The following ODAD3 variants were observed in gnomAD, a reference collection of about 807,000 sequenced individuals.
ODAD3 encodes the protein outer dynein arm docking complex subunit 3.
In ODAD3, 57 loss-of-function variants were observed where a neutral mutation model predicts 70.9. The observed-to-expected ratio is 0.80, with a 90% CI of 0.65 to 1.00. The LOEUF (loss-of-function observed/expected upper bound fraction) is 1.00, where lower values mean the gene tolerates loss of function less well. ODAD3 is among the 50% of genes least tolerant of loss of function. ODAD3 has a pLI of 0.00. For missense variants in ODAD3, 797 were observed against 763.9 expected (o/e 1.04, Z -0.51); for synonymous variants, 327 against 315.9 (o/e 1.04, Z -0.37).
At chr19:11,425,037 A>G (rs1292484677) in intron 7 of ODAD3, among the ~76,000 whole-genome samples, 1 of 128,144 alleles carries the variant, frequency 7.8e-6, no homozygotes, top group East Asian at 2.4e-4. Flanking sequence ...GTGCATATAT[A>G]CATATGTGTA....
In ODAD3 at chr19:11,420,730, G is replaced by T; in HGVS notation, c.*105C>A. 1 of 979,444 alleles carries T rather than the reference G, an allele frequency of 1.0e-6. No individual in the cohort carries two copies. The highest frequency in any genetic ancestry group is 1.6e-6 in the Non-Finnish European group (1 of 639,860). The allele number at this position is 979,444 out of a possible 1,614,324, so 60.7% of individuals were successfully genotyped here. On this transcript the variant is annotated 3_prime_UTR_variant, in exon 13 of 13. Transcript: ENST00000356392. ...GGCGCCGCTGGCCGCCTCCGTTCCC[G>T]GTCCGGGCCGCGTTCAGCCCCTGAA... is the stretch of plus-strand genomic sequence containing the variant.
At chr19:11,426,110 GGAGT>G in intron 7 of ODAD3, 30 bp downstream of exon 7, 1 of 1,594,810 alleles carries the variant, frequency 6.3e-7, no homozygotes, top group Non-Finnish European at 8.5e-7. Context: ...GGGCTGGGCT[GGAGT>G]CACAGGCGCG....
At chr19:11,430,560 G>C in intron 3 of ODAD3, 139 bp downstream of exon 3, 1 of 808,760 alleles carries the variant, frequency 1.2e-6, no homozygotes, top group Non-Finnish European at 2.1e-6. Flanking sequence ...CAAGGAAAGT[G>C]AGTAATAAAG....
chr19:11,425,607 G>GCATATACGCATATACGCATATA (rs1969344443), intron 7 of ODAD3, among the ~76,000 whole-genome samples: 1 of 128,916 alleles, frequency 7.8e-6, no homozygotes, highest in African/African-American at 4.3e-5. Flanking sequence ...ATATATGTGT[G>GCATATACGCATATACGCATATA]TGTATATATG....
intron 3 of ODAD3, among the ~76,000 whole-genome samples, chr19:11,429,546 A>C (rs1465769902): frequency 6.6e-6 from 1 of 151,846 alleles, no homozygotes; most frequent in Non-Finnish European, 1.5e-5. Flanking sequence ...AGTAGCTGGG[A>C]TTACAGGTGC....
rs1223972705 is a variant in ODAD3, at chr19:11,422,783, A to T, written c.1195T>A (p.Leu399Met). 1 of 1,611,082 alleles carries T rather than the reference A, an allele frequency of 6.2e-7. No individual in the cohort carries two copies. Among genetic ancestry groups the T allele is most frequent in the East Asian group, 2.2e-5 (1 of 44,880 alleles). The stretch of plus-strand genomic sequence containing the variant: ...TGCTTCTCCTGCTTCAGCCTCACCA[A>T]CGTCTGCTCGTTCTCGCTCTTGAGC... ...ETLKSENEQT[L>M]VRLKQEKQQL... is the part of the protein sequence containing the mutation. Residue 399 changes from leucine to methionine, a missense_variant, in exon 9 of 13, where the codon TTG becomes ATG. Coordinates refer to ENST00000356392, the MANE Select transcript of ODAD3 (RefSeq NM_145045.5). The surrounding 1 kb of genome is among the most constrained non-coding windows in gnomAD (Gnocchi z 4.6).
chr19:11,423,180 G>A (rs1416097654), intron 8 of ODAD3, among the ~76,000 whole-genome samples: 1 of 152,202 alleles, frequency 6.6e-6, no homozygotes, highest in African/African-American at 2.4e-5. Flanking sequence ...CGTGAATCTC[G>A]CCCGATTCCG....
intron 7 of ODAD3, among the ~76,000 whole-genome samples, chr19:11,425,189 A>ATACATATGTGTATGTG (rs1237177233): frequency 1.8e-5 from 2 of 110,936 alleles, no homozygotes; most frequent in Non-Finnish European, 1.7e-5. Flanking sequence ...ATGTGTATAT[A>ATACATATGTGTATGTG]TACATATGTG....
intron 1 of ODAD3, among the ~76,000 whole-genome samples, chr19:11,433,111 A>G (rs756203643): frequency 6.6e-5 from 10 of 152,124 alleles, no homozygotes; most frequent in Non-Finnish European, 1.5e-4. Flanking sequence ...CCTCTTAATA[A>G]TATCAACAAA....
chr19:11,428,304 C>A (rs750235625), intron 3 of ODAD3, among the ~76,000 whole-genome samples: 3 of 151,842 alleles, frequency 2.0e-5, no homozygotes, highest in Admixed American at 2.0e-4. Flanking sequence ...TGCAGTGGCT[C>A]GATCTTGGCT....
rs780630847 is a variant in ODAD3, at chr19:11,422,460, G to A, written c.1434+11C>T. On this transcript the variant is annotated intron_variant, in intron 10 of 12. Transcript: ENST00000356392. The surrounding 1 kb of genome is among the most constrained non-coding windows in gnomAD (Gnocchi z 4.6). ...GAGGGCCTGTCGGGGCTTCCCCTGG[G>A]CGGGGCCTACCACAGTGATGTGGAT... is the stretch of plus-strand genomic sequence containing the variant. The A allele has an allele frequency of 2.6e-6, 4 of 1,566,990 alleles. No individual in the cohort carries two copies. The East Asian group carries it at 9.2e-5, about 36-fold the overall frequency.
intron 7 of ODAD3, among the ~76,000 whole-genome samples, chr19:11,424,851 A>G (rs62651706): frequency 1.5e-4 from 8 of 52,866 alleles, no homozygotes; most frequent in Admixed American, 1.0e-3. Flanking sequence ...ATGTGTATAT[A>G]TACCTATGTG....
chr19:11,425,385 G>A (rs145681808), intron 7 of ODAD3, among the ~76,000 whole-genome samples: 52 of 113,774 alleles, frequency 4.6e-4, no homozygotes, highest in South Asian at 2.3e-3. Context: ...ATGTGTGTAT[G>A]TACATATGTG....
upstream of ODAD3, chr19:11,435,609 TGACGGGGTCCA>T: frequency 9.2e-7 from 1 of 1,087,290 alleles, no homozygotes; most frequent in Non-Finnish European, 1.2e-6. Context: ...CGACCGGAAG[TGACGGGGTCCA>T]GAAATTTCCG....
intron 3 of ODAD3, among the ~76,000 whole-genome samples, chr19:11,429,862 A>G (rs1969467409): frequency 6.7e-6 from 1 of 148,200 alleles, no homozygotes; most frequent in Non-Finnish European, 1.5e-5. Context: ...TTTTAAAGAA[A>G]CAGGTTGTAC....
intron 7 of ODAD3, 89 bp from the exon 8 acceptor site, chr19:11,424,118 C>G (rs367780527): frequency 6.8e-7 from 1 of 1,474,676 alleles, no homozygotes; most frequent in Non-Finnish European, 9.2e-7. Flanking sequence ...TAGGGGCCCG[C>G]GAGGAACAGG....
rs1478265315 is a variant in ODAD3 at position 11,421,210 on chromosome 19, G to A, written c.1593C>T (p.Phe531=). The change falls in exon 12 of 13, where the codon TTC becomes TTT. Residue 531 remains phenylalanine, a splice_region_variant and synonymous_variant. Coordinates refer to ENST00000356392, the MANE Select transcript of ODAD3 (RefSeq NM_145045.5). ...GCAGCCTTCCCTCTAAGCTGGCGAG[G>A]AACTAAGCGGGGATGGGAAGCGAGA... The part of the protein sequence containing the change: ...EMLCHIANRE[F]LASLEGRLPE... The A allele has an allele frequency of 2.5e-6, 4 of 1,612,238 alleles. No homozygotes were observed. The highest frequency in any genetic ancestry group is 1.3e-5 in the African/African-American group (1 of 74,860).
chr19:11,422,366 G>A lies in ODAD3; in HGVS notation c.1434+105C>T, dbSNP rs991599182. ...GACGTCCGGGACAGAGGATGTGGCA[G>A]GCCACGTTCCCTCGGGCAAGCTGGT... is the stretch of plus-strand genomic sequence containing the variant. On this transcript the variant is annotated intron_variant, in intron 10 of 12. Transcript: ENST00000356392. The surrounding 1 kb of genome is among the most constrained non-coding windows in gnomAD (Gnocchi z 4.6). The A allele has an allele frequency of 1.7e-5, 23 of 1,362,666 alleles. No homozygotes were observed. Among genetic ancestry groups the A allele is most frequent in the Admixed American group, 2.7e-5 (1 of 36,422 alleles). The allele number at this position is 1,362,666 out of a possible 1,614,324, so 84.4% of individuals were successfully genotyped here.
At chr19:11,426,064 G>A (rs1568350932) in intron 7 of ODAD3, 80 bp downstream of exon 7, 5 of 1,533,530 alleles carry the variant, frequency 3.3e-6, no homozygotes, top group Non-Finnish European at 3.5e-6. Flanking sequence ...AGAAGGCCTA[G>A]GATGAGGGAG....
Sources: allele counts gnomAD v4.1 joint callset (sites outside exome capture counted in the v4.1 genomes callset), GRCh38; gene constraint gnomAD v4.1.1; non-coding constraint Gnocchi (gnomAD v3.1); transcripts MANE v1.5; gene names NCBI Gene and HGNC (gene_info 2026-07-23, HGNC 2026-07-21).